The following ANGPT1 variants were observed in gnomAD, a reference collection of about 807,000 sequenced individuals.
ANGPT1 encodes angiopoietin 1, also known as angiopoietin-1.
In ANGPT1, 17 loss-of-function variants were observed where a neutral mutation model predicts 62.2. The ratio of observed to expected loss-of-function variants is 0.27; its 90% CI spans 0.19 to 0.41. The LOEUF (loss-of-function observed/expected upper bound fraction) is 0.41, where lower values mean the gene tolerates loss of function less well. ANGPT1 is among the 10% of genes least tolerant of loss of function. ANGPT1 has a pLI of 1.00. For synonymous variants in ANGPT1, 199 were observed against 198.9 expected (o/e 1.00, Z 0.00); for missense variants, 478 against 594.9 (o/e 0.80, Z 2.04).
intron 1 of ANGPT1, among the ~76,000 whole-genome samples, chr8:107,370,340 AAAAG>A (rs71308727): frequency 0.055 from 3,005 of 54,282 alleles, 375 homozygotes; most frequent in African/African-American, 0.14. Flanking sequence ...GAAAGAAAGA[AAAAG>A]AAAGAAAGAA....
Position 107,497,829 on chromosome 8 carries a change from T to C in ANGPT1, c.-271A>G. ...TAGCTGAGATTTATTGTTTCCTCTC[T>C]GTGTGACCGTTCAGCATGGAGCCTG... On this transcript the variant is annotated 5_prime_UTR_variant, in exon 1 of 9. Coordinates refer to ENST00000517746, the MANE Select transcript of ANGPT1 (RefSeq NM_001146.5). 1 of 562,414 alleles carries C rather than the reference T, an allele frequency of 1.8e-6. No homozygotes were observed. The highest frequency in any genetic ancestry group is 3.1e-6 in the Non-Finnish European group (1 of 321,582). The allele number at this position is 562,414 out of a possible 1,614,324, so 34.8% of individuals were successfully genotyped here.
At chr8:107,326,544 C>T (rs965102410) in intron 3 of ANGPT1, among the ~76,000 whole-genome samples, 8 of 152,058 alleles carry the variant, frequency 5.3e-5, no homozygotes, top group African/African-American at 1.4e-4. Context: ...CAAAAGACTG[C>T]TCTCTTCTCT....
At chr8:107,254,968 C>T (rs1813325280) in intron 8 of ANGPT1, among the ~76,000 whole-genome samples, 1 of 151,258 alleles carries the variant, frequency 6.6e-6, no homozygotes, top group African/African-American at 2.4e-5. Context: ...CCATCCTGAG[C>T]ATATGTGACA....
At chr8:107,491,474 G>A (rs13272688) in intron 1 of ANGPT1, among the ~76,000 whole-genome samples, 14,576 of 152,240 alleles carry the variant, frequency 0.096, 1,076 homozygotes, top group East Asian at 0.44. Context: ...TCTTAGTAAA[G>A]TGGGGAAGGT....
At chr8:107,462,119 C>A (rs1812086695) in intron 1 of ANGPT1, among the ~76,000 whole-genome samples, 1 of 151,890 alleles carries the variant, frequency 6.6e-6, no homozygotes, top group Non-Finnish European at 1.5e-5. Context: ...AGTTCATTTT[C>A]TTGGAAGTTA....
At chr8:107,401,763 GT>G (rs1438208417) in intron 1 of ANGPT1, among the ~76,000 whole-genome samples, 2 of 152,090 alleles carry the variant, frequency 1.3e-5, no homozygotes, top group Non-Finnish European at 2.9e-5. Context: ...AAACATATAT[GT>G]TTATATGGAT....
At chr8:107,274,582 T>C (rs1220132953) in intron 7 of ANGPT1, among the ~76,000 whole-genome samples, 5 of 152,086 alleles carry the variant, frequency 3.3e-5, no homozygotes, top group African/African-American at 1.2e-4. Context: ...AGAAAATAAA[T>C]CTTATTTAAG....
chr8:107,487,067 C>T (rs1431707414), intron 1 of ANGPT1, among the ~76,000 whole-genome samples: 7 of 152,048 alleles, frequency 4.6e-5, no homozygotes, highest in Admixed American at 1.3e-4. Flanking sequence ...TGGAGCAGTC[C>T]TCCTGACACT....
At chr8:107,453,860 T>A (rs1279253116) in intron 1 of ANGPT1, among the ~76,000 whole-genome samples, 1 of 148,016 alleles carries the variant, frequency 6.8e-6, no homozygotes, top group Non-Finnish European at 1.5e-5. Flanking sequence ...TGCTGAGATT[T>A]AAAAAAAAAA....
Position 107,251,711 on chromosome 8 carries a change from G to A in ANGPT1, c.*144C>T. ...CAAACGGCTCCAGATTCACGGTCAA[G>A]AACCTTGGTGACTTCACATAACTAC... On this transcript the variant is annotated 3_prime_UTR_variant, in exon 9 of 9. Transcript: ENST00000517746. The A allele has an allele frequency of 9.5e-7, 1 of 1,047,926 alleles. No homozygotes were observed. The highest frequency in any genetic ancestry group is 1.4e-6 in the Non-Finnish European group (1 of 738,606). 64.9% of individuals were successfully genotyped at this position (1,047,926 alleles called of 1,614,324 possible).
At chr8:107,418,837 A>T (rs1457417381) in intron 1 of ANGPT1, among the ~76,000 whole-genome samples, 1 of 152,168 alleles carries the variant, frequency 6.6e-6, no homozygotes, top group African/African-American at 2.4e-5. Context: ...TCCCAGAACT[A>T]ATAGAGATTT....
At chr8:107,386,963 T>TAGAC (rs1296776684) in intron 1 of ANGPT1, among the ~76,000 whole-genome samples, 1 of 152,044 alleles carries the variant, frequency 6.6e-6, no homozygotes, top group Non-Finnish European at 1.5e-5. Context: ...AACAAGTTAT[T>TAGAC]AGACACAAAC....
At chr8:107,316,601 A>T (rs1815020395) in intron 4 of ANGPT1, among the ~76,000 whole-genome samples, 1 of 152,174 alleles carries the variant, frequency 6.6e-6, no homozygotes, top group Non-Finnish European at 1.5e-5. Flanking sequence ...CTACATTGTC[A>T]CTGGGGAGAT....
intron 4 of ANGPT1, among the ~76,000 whole-genome samples, chr8:107,319,844 G>A (rs1397889274): frequency 2.0e-5 from 3 of 151,900 alleles, no homozygotes; most frequent in Non-Finnish European, 2.9e-5. Flanking sequence ...TAGTTAGAAC[G>A]CTTAACAGTA....
chr8:107,316,126 T>A (rs1815008191), intron 4 of ANGPT1, among the ~76,000 whole-genome samples: 1 of 152,194 alleles, frequency 6.6e-6, no homozygotes, highest in South Asian at 2.1e-4. Context: ...TAGATTAGAC[T>A]TCTAGGAAGT....
chr8:107,327,145 A>G (rs1357592019), intron 3 of ANGPT1, among the ~76,000 whole-genome samples: 1 of 152,176 alleles, frequency 6.6e-6, no homozygotes, highest in Non-Finnish European at 1.5e-5. Flanking sequence ...GATTTTTAAC[A>G]TCTGGACTAG....
At chr8:107,478,572 T>A (rs1812595245) in intron 1 of ANGPT1, among the ~76,000 whole-genome samples, 1 of 152,062 alleles carries the variant, frequency 6.6e-6, no homozygotes, top group African/African-American at 2.4e-5. Context: ...AAATAAAGAT[T>A]GCTTTGATTA....
chr8:107,329,488 T>C (rs1228723163), intron 3 of ANGPT1, among the ~76,000 whole-genome samples: 1 of 152,114 alleles, frequency 6.6e-6, no homozygotes, highest in Non-Finnish European at 1.5e-5. Flanking sequence ...CCTCAGAGTA[T>C]ACAATAGTAA....
At chr8:107,261,507 C>T (rs1183989485) in intron 8 of ANGPT1, among the ~76,000 whole-genome samples, 1 of 151,540 alleles carries the variant, frequency 6.6e-6, no homozygotes, top group Non-Finnish European at 1.5e-5. Context: ...AGATTCAGAC[C>T]ATCCTGGCTA....
Sources: gnomAD v4.1 joint callset for allele counts (sites outside exome capture counted in the v4.1 genomes callset) on GRCh38, gnomAD v4.1.1 for gene constraint, MANE v1.5 for transcripts, NCBI Gene and HGNC (gene_info 2026-07-23, HGNC 2026-07-21) for gene names.